HDHD2: variants seen among roughly 807,000 people sequenced by gnomAD.
The protein encoded by HDHD2 is haloacid dehalogenase-like hydrolase domain-containing protein 2.
HDHD2 carries 26 observed loss-of-function variants against 24.8 expected under a neutral mutation model. That is an observed-to-expected ratio of 1.05 (90% confidence interval 0.77 to 1.45). HDHD2 has a LOEUF of 1.45. HDHD2 is among the 40% of genes most tolerant of loss of function. The pLI is 0.00. For synonymous variants in HDHD2, 128 were observed against 114.9 expected (o/e 1.11, Z -0.73); for missense variants, 299 against 313.4 (o/e 0.95, Z 0.35).
Position 47,134,653 on chromosome 18 carries a change from C to T in HDHD2, c.153G>A (p.Glu51=), listed in dbSNP as rs192706773. ...IIRFVTNTTK[E]SKQDLLERLR... is the part of the protein sequence containing the mutation. ...ACCTTTCTAACAGGTCTTGCTTGCT[C>T]TCTTTGGTTGTATTGGTCACAAACC... Residue 51 remains glutamate (E), a synonymous_variant, in exon 3 of 7, where the codon GAG becomes GAA. Transcript: ENST00000300605. 4.3e-6 allele frequency: 7 copies of T among 1,614,178 alleles called. No individual in the cohort carries two copies. In the African/African-American group the frequency reaches 5.3e-5, roughly 12 times the overall value.
At position 47,115,907 on chromosome 18, in the gene HDHD2, A is replaced by C. The variant is rs573838174; in HGVS notation, c.396-559T>G. Among the ~76,000 whole-genome samples, 105 of 152,258 alleles carry C rather than the reference A, an allele frequency of 6.9e-4. 1 individual carries two copies. Among genetic ancestry groups the C allele is most frequent in the African/African-American group, 2.4e-3 (101 of 41,548 alleles). ...CTTCTTTTACCTTTTGACTGCTTTCAACATTATTTTGCAAATCAGGCCATC... is the reference window on the plus strand; with the variant it reads ...CTTCTTTTACCTTTTGACTGCTTTCCACATTATTTTGCAAATCAGGCCATC... On this transcript the variant is annotated intron_variant, in intron 4 of 6. Coordinates refer to ENST00000300605, the MANE Select transcript of HDHD2 (RefSeq NM_032124.5).
chr18:47,108,469 G>T lies in HDHD2; in HGVS notation c.*213C>A. On this transcript the variant is annotated 3_prime_UTR_variant, in exon 7 of 7. Coordinates refer to ENST00000300605, the MANE Select transcript of HDHD2 (RefSeq NM_032124.5). Reference sequence around the variant, plus strand: ...AAATCTCAGCTTTCCCTTTCTTTGGGTCTCATCTTCAGTTACAAAATAAAA... The same window carrying T: ...AAATCTCAGCTTTCCCTTTCTTTGGTTCTCATCTTCAGTTACAAAATAAAA... 2.4e-6 allele frequency: 1 copy of T among 411,064 alleles called. No individual in the cohort carries two copies. The highest frequency in any genetic ancestry group is 4.3e-6 in the Non-Finnish European group (1 of 234,798). The allele number at this position is 411,064 out of a possible 1,614,324, so 25.5% of individuals were successfully genotyped here.
At chr18:47,124,718 A>C (rs1036730248) in intron 4 of HDHD2, among the ~76,000 whole-genome samples, 1 of 151,258 alleles carries the variant, frequency 6.6e-6, no homozygotes, top group East Asian at 1.9e-4. Context: ...AAAAAAAAAA[A>C]AAAAAAAAAA....
chr18:47,112,532 G>C (rs1424366860), intron 6 of HDHD2, among the ~76,000 whole-genome samples: 1 of 152,208 alleles, frequency 6.6e-6, no homozygotes, highest in African/African-American at 2.4e-5. Flanking sequence ...AGAAAAAAGA[G>C]TTTTTCAAAT....
chr18:47,147,821 A>G (rs923794990), intron 1 of HDHD2, among the ~76,000 whole-genome samples: 3 of 152,168 alleles, frequency 2.0e-5, no homozygotes, highest in Admixed American at 2.0e-4. Context: ...AAACTCTAAA[A>G]TGCTCTTCTG....
At chr18:47,140,900 A>G (rs1327971815) in intron 1 of HDHD2, among the ~76,000 whole-genome samples, 1 of 152,192 alleles carries the variant, frequency 6.6e-6, no homozygotes, top group African/African-American at 2.4e-5. Flanking sequence ...ATAGAAAATT[A>G]TTGTCTACAT....
chr18:47,111,195 C>A (rs62096468), intron 6 of HDHD2: 73,656 of 984,912 alleles, frequency 0.075, 2,861 homozygotes, highest in East Asian at 0.13. Flanking sequence ...GATTGTGTTA[C>A]GCTGATGGCT....
In HDHD2 at chr18:47,134,545, T is replaced by C. The variant is rs746220210; in HGVS notation, c.261A>G (p.Gln87=). 6.8e-6 allele frequency: 11 copies of C among 1,614,082 alleles called. No individual in the cohort carries two copies. The Admixed American group carries it at 1.2e-4, about 17-fold the overall frequency. The change falls in exon 3 of 7, where the codon CAA becomes CAG. Residue 87 remains glutamine, a synonymous_variant. Transcript: ENST00000300605. ...TAARSLLERK[Q]VRPMLLVDDR... is the part of the protein sequence containing the mutation. ...CATCAACTAGCAGCATGGGTCTGAC[T>C]TGTTTCCGCTCTAGTAAACTTCTGG...
rs534888902 is a variant in HDHD2 at position 47,144,059 on chromosome 18, T to A, written c.-11+6319A>T. On this transcript the variant is annotated intron_variant, in intron 1 of 6. Coordinates refer to ENST00000300605, the MANE Select transcript of HDHD2 (RefSeq NM_032124.5). ...AAGCCTAACAATACTAGATAAAAAA[T>A]TATACACATGTGTGTGTGCACGTCT... is the stretch of plus-strand genomic sequence containing the variant. Among the ~76,000 whole-genome samples the A allele has an allele frequency of 1.1e-3, 167 of 151,992 alleles. No homozygotes were observed. In the East Asian group the frequency reaches 0.013, roughly 12 times the overall value.
chr18:47,120,319 G>A (rs1046705567), intron 4 of HDHD2, among the ~76,000 whole-genome samples: 1 of 152,218 alleles, frequency 6.6e-6, no homozygotes, highest in Non-Finnish European at 1.5e-5. Context: ...TTCTACATCA[G>A]CACTTGCTGC....
Position 47,107,556 on chromosome 18 carries a change from T to G in HDHD2, c.*1126A>C, listed in dbSNP as rs1438605415. 2 of 152,578 alleles carry G rather than the reference T, an allele frequency of 1.3e-5. No individual in the cohort carries two copies. Among genetic ancestry groups the G allele is most frequent in the African/African-American group, 4.8e-5 (2 of 41,438 alleles). The allele number at this position is 152,578 out of a possible 1,614,324, so 9.5% of individuals were successfully genotyped here. Reference sequence around the variant, plus strand: ...ATGATGTACAATTACATCCTAATAATTCAATGCCCAAGAGCCCTGTAGAAC... The same window carrying G: ...ATGATGTACAATTACATCCTAATAAGTCAATGCCCAAGAGCCCTGTAGAAC... On this transcript the variant is annotated 3_prime_UTR_variant, in exon 7 of 7. Coordinates refer to ENST00000300605, the MANE Select transcript of HDHD2 (RefSeq NM_032124.5).
chr18:47,115,103 G>T, intron 5 of HDHD2, 29 bp downstream of exon 5: 1 of 1,546,120 alleles, frequency 6.5e-7, no homozygotes, highest in Non-Finnish European at 8.9e-7. Context: ...CAGGTGAGCT[G>T]GGAGCACCTC....
intron 1 of HDHD2, among the ~76,000 whole-genome samples, chr18:47,142,753 C>T (rs1216963709): frequency 6.6e-6 from 1 of 152,072 alleles, no homozygotes; most frequent in Admixed American, 6.5e-5. Context: ...GCTCTCGAAC[C>T]ACCCCTCACC....
Position 47,127,633 on chromosome 18 carries a change from G to C in HDHD2, c.395+2611C>G, listed in dbSNP as rs576128761. ...TCCATTACTTAAATGCTCAAACTTTGGGTTTTTTTGTTTTTCGAGATGAGC... is the reference window on the plus strand; with the variant it reads ...TCCATTACTTAAATGCTCAAACTTTCGGTTTTTTTGTTTTTCGAGATGAGC... On this transcript the variant is annotated intron_variant, in intron 4 of 6. Coordinates refer to ENST00000300605, the MANE Select transcript of HDHD2 (RefSeq NM_032124.5). Among the ~76,000 whole-genome samples, 278 of 150,720 alleles carry C rather than the reference G, an allele frequency of 1.8e-3. 3 individuals carry two copies. Among genetic ancestry groups the C allele is most frequent in the South Asian group, 0.011 (53 of 4,738 alleles).
intron 4 of HDHD2, among the ~76,000 whole-genome samples, chr18:47,125,405 C>T (rs1456936545): frequency 6.6e-6 from 1 of 152,124 alleles, no homozygotes; most frequent in Admixed American, 6.5e-5. Context: ...CCCAAGAGAA[C>T]TGAATGCACA....
chr18:47,146,169 C>T (rs1475726539), intron 1 of HDHD2, among the ~76,000 whole-genome samples: 3 of 140,382 alleles, frequency 2.1e-5, no homozygotes. Context: ...GCAGAGGTTG[C>T]AGTGAGGCCG....
At chr18:47,142,117 T>C (rs1027537049) in intron 1 of HDHD2, among the ~76,000 whole-genome samples, 1 of 152,206 alleles carries the variant, frequency 6.6e-6, no homozygotes, top group African/African-American at 2.4e-5. Flanking sequence ...CTTTCCTGTA[T>C]AAATTACGCA....
At chr18:47,147,312 CAT>C (rs969461292) in intron 1 of HDHD2, among the ~76,000 whole-genome samples, 19 of 152,256 alleles carry the variant, frequency 1.2e-4, no homozygotes, top group Admixed American at 5.2e-4. Context: ...TAATAGTCCA[CAT>C]GTTATTCTAT....
chr18:47,143,999 A>C (rs549730690), intron 1 of HDHD2, among the ~76,000 whole-genome samples: 2 of 152,178 alleles, frequency 1.3e-5, no homozygotes, highest in Admixed American at 6.5e-5. Flanking sequence ...CTTCCATAAT[A>C]TAGCAGGCTA....
Sources: gnomAD v4.1 joint callset for allele counts (sites outside exome capture counted in the v4.1 genomes callset) on GRCh38, gnomAD v4.1.1 for gene constraint, MANE v1.5 for transcripts, NCBI Gene and HGNC (gene_info 2026-07-23, HGNC 2026-07-21) for gene names.